KIAA1217: variants seen among roughly 807,000 people sequenced by gnomAD.
The protein encoded by KIAA1217 is KIAA1217, also known as sickle tail protein homolog.
Under a neutral mutation model 163.9 loss-of-function variants are expected in KIAA1217, and 88 were observed. The observed-to-expected ratio is 0.54, with a 90% CI of 0.45 to 0.64. The LOEUF (loss-of-function observed/expected upper bound fraction) is 0.64, where lower values mean the gene tolerates loss of function less well. KIAA1217 is among the 30% of genes least tolerant of loss of function. The pLI is 0.00. For synonymous variants in KIAA1217, 903 were observed against 923.1 expected, an observed-to-expected ratio of 0.98 and a Z score of 0.39; for missense variants, 2,372 against 2,475.0, an observed-to-expected ratio of 0.96 and a Z score of 0.88.
chr10:24,080,081 GC>G (rs2061491077), intron 2 of KIAA1217, among the ~76,000 whole-genome samples: 1 of 152,208 alleles, frequency 6.6e-6, no homozygotes, highest in East Asian at 1.9e-4. Flanking sequence ...TGTGGGCAGT[GC>G]CCCCACATCC....
At chr10:24,117,869 G>A (rs1306469331) in intron 2 of KIAA1217, among the ~76,000 whole-genome samples, 3 of 152,030 alleles carry the variant, frequency 2.0e-5, no homozygotes, top group Non-Finnish European at 2.9e-5. Context: ...AAAAGGGGTG[G>A]TAGGAGAAAG....
At chr10:24,269,396 C>T (rs1421091570) in intron 2 of KIAA1217, among the ~76,000 whole-genome samples, 1 of 151,966 alleles carries the variant, frequency 6.6e-6, no homozygotes, top group Non-Finnish European at 1.5e-5. Context: ...TGTTGGCACA[C>T]ATTTGTAGTC....
intron 1 of KIAA1217, among the ~76,000 whole-genome samples, chr10:23,737,135 A>G (rs560660876): frequency 1.3e-5 from 2 of 152,276 alleles, no homozygotes; most frequent in African/African-American, 4.8e-5. Context: ...ACATCATTTG[A>G]TATATTTATT....
rs866117680 is a variant in KIAA1217 at position 24,337,655 on chromosome 10, T to G, written c.355-43214T>G. 3.6e-4 allele frequency among the ~76,000 whole-genome samples: 41 copies of G among 114,278 alleles called. 1 individual carries two copies. Among genetic ancestry groups the G allele is most frequent in the Non-Finnish European group, 6.7e-4 (37 of 55,136 alleles). 75.0% of individuals were successfully genotyped at this position (114,278 alleles called of 152,430 possible). On this transcript the variant is annotated intron_variant, in intron 2 of 20. Transcript: ENST00000376454. ...CTTTTCTTTTCTTTTCTTTTCTTTT[T>G]TTTTTTTGAGACGAGTCTCATACTG...
chr10:23,811,341 T>A (rs2130985537), intron 1 of KIAA1217, among the ~76,000 whole-genome samples: 1 of 148,798 alleles, frequency 6.7e-6, no homozygotes, highest in East Asian at 2.0e-4. Flanking sequence ...ATATAGTATA[T>A]GGACTAGAAT....
intron 2 of KIAA1217, among the ~76,000 whole-genome samples, chr10:24,308,095 G>T (rs561439847): frequency 1.3e-5 from 2 of 152,142 alleles, no homozygotes; most frequent in African/African-American, 2.4e-5. Context: ...TTGTTCTTAC[G>T]TGTAACAATT....
At chr10:23,812,501 T>TA (rs1250535947) in intron 1 of KIAA1217, among the ~76,000 whole-genome samples, 1 of 152,160 alleles carries the variant, frequency 6.6e-6, no homozygotes, top group East Asian at 1.9e-4. Flanking sequence ...TTTTTTTATT[T>TA]AAAAAAGCTA....
intron 1 of KIAA1217, among the ~76,000 whole-genome samples, chr10:23,891,157 T>G (rs1021867718): frequency 6.6e-6 from 1 of 152,030 alleles, no homozygotes; most frequent in African/African-American, 2.4e-5. Context: ...ATACAGTACA[T>G]TACATAACTG....
At chr10:23,789,201 G>C (rs867099650) in intron 1 of KIAA1217, among the ~76,000 whole-genome samples, 11 of 152,222 alleles carry the variant, frequency 7.2e-5, no homozygotes, top group African/African-American at 1.9e-4. Flanking sequence ...CATAGCTAAG[G>C]CATCAGTATT....
intron 1 of KIAA1217, among the ~76,000 whole-genome samples, chr10:23,805,367 C>A (rs892521074): frequency 1.1e-4 from 16 of 152,094 alleles, no homozygotes; most frequent in African/African-American, 3.9e-4. Context: ...ACGATCATGT[C>A]CTCTGCAGGG....
rs188066502 is a variant in KIAA1217 at position 24,324,897 on chromosome 10, C to T, written c.355-55972C>T. ...AACAATGCTCAATCTTGCCCCTATT[C>T]AGCGACTGACTGTTTAGAAAAGCCT... On this transcript the variant is annotated intron_variant, in intron 2 of 20. Coordinates refer to ENST00000376454, the MANE Select transcript of KIAA1217 (RefSeq NM_019590.5). 8.4e-4 allele frequency among the ~76,000 whole-genome samples: 128 copies of T among 152,276 alleles called. No individual in the cohort carries two copies. The Middle Eastern group carries it at 0.017, about 20-fold the overall frequency.
intron 1 of KIAA1217, among the ~76,000 whole-genome samples, chr10:24,218,575 G>A (rs1359243414): frequency 1.3e-5 from 2 of 150,866 alleles, no homozygotes; most frequent in Non-Finnish European, 1.5e-5. Context: ...TGCAAGCTCC[G>A]CCTCCCAGGT....
intron 2 of KIAA1217, among the ~76,000 whole-genome samples, chr10:24,072,307 G>A (rs2061215598): frequency 6.6e-6 from 1 of 152,104 alleles, no homozygotes; most frequent in Non-Finnish European, 1.5e-5. Context: ...AGAGTTATAA[G>A]CATGAACCAC....
intron 1 of KIAA1217, among the ~76,000 whole-genome samples, chr10:23,776,990 G>A (rs1417664543): frequency 6.6e-6 from 1 of 152,096 alleles, no homozygotes; most frequent in African/African-American, 2.4e-5. Flanking sequence ...GGCTGACTGT[G>A]GGTACTTTTT....
intron 5 of KIAA1217, among the ~76,000 whole-genome samples, chr10:24,463,473 G>A (rs1051632279): frequency 2.0e-5 from 3 of 152,190 alleles, no homozygotes; most frequent in African/African-American, 4.8e-5. Flanking sequence ...GAGACATTCC[G>A]TTTACAATCA....
chr10:24,310,694 G>T (rs1232582657), intron 2 of KIAA1217, among the ~76,000 whole-genome samples: 1 of 152,142 alleles, frequency 6.6e-6, no homozygotes, highest in Non-Finnish European at 1.5e-5. Flanking sequence ...TTCCAAGGCA[G>T]GGCACATATA....
At chr10:24,337,133 G>A (rs79047067) in intron 2 of KIAA1217, among the ~76,000 whole-genome samples, 16,020 of 152,238 alleles carry the variant, frequency 0.11, 893 homozygotes, top group East Asian at 0.15. Context: ...AACTCACACT[G>A]TGAGATTAAA....
At chr10:24,302,358 CA>C (rs2041467969) in intron 2 of KIAA1217, among the ~76,000 whole-genome samples, 1 of 152,154 alleles carries the variant, frequency 6.6e-6, no homozygotes, top group African/African-American at 2.4e-5. Flanking sequence ...ACTCTGAATG[CA>C]CATTCTTCTT....
intron 2 of KIAA1217, among the ~76,000 whole-genome samples, chr10:24,103,249 A>T (rs1449474669): frequency 2.6e-5 from 4 of 152,238 alleles, no homozygotes; most frequent in Admixed American, 6.5e-5. Flanking sequence ...ACAGACTCAC[A>T]TCCTTCACAA....
Sources: allele counts gnomAD v4.1 joint callset (sites outside exome capture counted in the v4.1 genomes callset), GRCh38; gene constraint gnomAD v4.1.1; transcripts MANE v1.5; gene names NCBI Gene and HGNC (gene_info 2026-07-23, HGNC 2026-07-21).